Variants in ATG2B observed in about 807,000 individuals in gnomAD.
ATG2B encodes the protein autophagy-related protein 2 homolog B.
A neutral mutation model predicts 241.3 loss-of-function variants in ATG2B; 121 were observed. That is an observed-to-expected ratio of 0.50 (90% confidence interval 0.43 to 0.58). The LOEUF is 0.58. Among genes scored for constraint, ATG2B ranks in the 20% least tolerant of loss-of-function variants. ATG2B has a pLI of 0.00. For synonymous variants in ATG2B, 858 were observed against 876.6 expected, an observed-to-expected ratio of 0.98 and a Z score of 0.37; for missense variants, 2,306 against 2,491.6, an observed-to-expected ratio of 0.93 and a Z score of 1.59.
In ATG2B at chr14:96,315,461, C is replaced by T. The variant is rs896365685; in HGVS notation, c.3484G>A (p.Gly1162Arg). Reference protein sequence around the residue: ...EDGLSKTSSDGVGGDSLNMLS... With the variant: ...EDGLSKTSSDRVGGDSLNMLS... ...ATATTCAAACTGTCTCCTCCAACTC[C>T]ATCTGAAGAAGTTTTACTGAGGCCA... The change falls in exon 22 of 42, where the codon GGA becomes AGA. Residue 1162 changes from glycine (G) to arginine (R), a missense_variant. Physicochemically the swap from Gly to Arg is moderately radical, Grantham distance 125. Transcript: ENST00000359933. The T allele has an allele frequency of 6.2e-7, 1 of 1,614,032 alleles. No homozygotes were observed. Among genetic ancestry groups the T allele is most frequent in the African/African-American group, 1.3e-5 (1 of 74,930 alleles).
At chr14:96,341,890 T>C (rs1210220582) in intron 5 of ATG2B, among the ~76,000 whole-genome samples, 189 bp from the exon 6 acceptor site, 1 of 152,090 alleles carries the variant, frequency 6.6e-6, no homozygotes, top group Admixed American at 6.6e-5. Context: ...CACAGTCCAC[T>C]GGTAATAAAA....
chr14:96,333,883 T>C lies in ATG2B; in HGVS notation c.1022-10A>G, dbSNP rs1258085564. 6.2e-7 allele frequency: 1 copy of C among 1,610,290 alleles called. No homozygotes were observed. Among genetic ancestry groups the C allele is most frequent in the Admixed American group, 1.7e-5 (1 of 59,688 alleles). ...ATTTTGCTAGAATTTTCTATAAGCA[T>C]ACAAAAGGAAACCAAAACAGTAATT... On this transcript the variant is annotated splice_polypyrimidine_tract_variant and intron_variant, in intron 7 of 41. Coordinates refer to ENST00000359933, the MANE Select transcript of ATG2B (RefSeq NM_018036.7).
chr14:96,304,445 C>T, intron 32 of ATG2B, 50 bp downstream of exon 32: 1 of 1,412,114 alleles, frequency 7.1e-7, no homozygotes, highest in Non-Finnish European at 1.0e-6. Context: ...CAAAAGAACC[C>T]CCCGCCAATA....
In ATG2B at chr14:96,315,767, C is replaced by T. The variant is rs151046998; in HGVS notation, c.3362-184G>A. Among the ~76,000 whole-genome samples the T allele has an allele frequency of 3.9e-3, 588 of 152,094 alleles. 22 individuals are homozygous for T. In the South Asian group the frequency reaches 0.058, roughly 15 times the overall value. On this transcript the variant is annotated intron_variant, in intron 21 of 41. Transcript: ENST00000359933. ...CTTTGCTAATGTTAGTGTGACTGAC[C>T]GTACACAGCTTAAAGAAACAAAAGA...
chr14:96,303,865 T>C (rs778587617), intron 32 of ATG2B, among the ~76,000 whole-genome samples: 1 of 152,212 alleles, frequency 6.6e-6, no homozygotes, highest in African/African-American at 2.4e-5. Flanking sequence ...ATAAAATTAT[T>C]ATCTTGCATA....
At chr14:96,327,466 A>G (rs1887615468) in intron 14 of ATG2B, among the ~76,000 whole-genome samples, 1 of 152,208 alleles carries the variant, frequency 6.6e-6, no homozygotes, top group South Asian at 2.1e-4. Flanking sequence ...AGATGCAAGT[A>G]AAAGTGATAT....
chr14:96,328,560 C>A lies in ATG2B; in HGVS notation c.1975-25G>T, dbSNP rs200860984. 325 of 1,562,702 alleles carry A rather than the reference C, an allele frequency of 2.1e-4. 3 individuals are homozygous for A. The African/African-American group carries it at 3.8e-3, about 18-fold the overall frequency. On this transcript the variant is annotated intron_variant, in intron 13 of 41. Transcript: ENST00000359933. ...CCTTTTAAAAAAAAAAAAGAAAAGG[C>A]ATTAATACAATCACTAAAAACTACT...
chr14:96,291,113 C>T (rs1188193099), intron 38 of ATG2B, among the ~76,000 whole-genome samples, 178 bp from the exon 39 acceptor site: 1 of 152,138 alleles, frequency 6.6e-6, no homozygotes, highest in Admixed American at 6.5e-5. Flanking sequence ...ATCCTTTTAA[C>T]TCACAACCTG....
chr14:96,303,468 C>T (rs1886851603), intron 32 of ATG2B, among the ~76,000 whole-genome samples: 2 of 152,130 alleles, frequency 1.3e-5, no homozygotes, highest in Non-Finnish European at 2.9e-5. Flanking sequence ...CAAGGTTTTG[C>T]TTTCCACAGT....
intron 10 of ATG2B, 86 bp from the exon 11 acceptor site, chr14:96,331,723 T>C (rs1887742406): frequency 9.4e-7 from 1 of 1,064,818 alleles, no homozygotes; most frequent in Non-Finnish European, 1.3e-6. Context: ...TTTATTAGCT[T>C]TAAAAAACAG....
At chr14:96,362,785 C>A (rs754204140) in intron 1 of ATG2B, 30 bp downstream of exon 1, 1 of 1,583,224 alleles carries the variant, frequency 6.3e-7, no homozygotes, top group Non-Finnish European at 8.6e-7. Flanking sequence ...GGGAGCGAGC[C>A]CCGCCCGGCT....
intron 5 of ATG2B, among the ~76,000 whole-genome samples, chr14:96,342,356 T>C (rs920135973): frequency 7.2e-5 from 11 of 152,146 alleles, no homozygotes; most frequent in Non-Finnish European, 1.6e-4. Flanking sequence ...CAGTCAAATA[T>C]TTGTTTCATG....
chr14:96,295,639 A>G, intron 34 of ATG2B, 79 bp from the exon 35 acceptor site: 1 of 912,038 alleles, frequency 1.1e-6, no homozygotes, highest in East Asian at 2.6e-5. Context: ...AGTATCTTAA[A>G]CTCATATATT....
At chr14:96,295,752 C>CACACACACACACACAG (rs1239885892) in intron 34 of ATG2B, among the ~76,000 whole-genome samples, 192 bp from the exon 35 acceptor site, 5 of 151,950 alleles carry the variant, frequency 3.3e-5, no homozygotes, top group African/African-American at 1.2e-4. Flanking sequence ...CACACACACA[C>CACACACACACACACAG]AGATACACAC....
At chr14:96,325,282 A>G (rs887766767) in intron 15 of ATG2B, among the ~76,000 whole-genome samples, 1 of 152,198 alleles carries the variant, frequency 6.6e-6, no homozygotes, top group Non-Finnish European at 1.5e-5. Context: ...GACTAAAAAA[A>G]CAAGAAAATG....
At chr14:96,348,927 T>C (rs541560267) in intron 1 of ATG2B, among the ~76,000 whole-genome samples, 5 of 151,836 alleles carry the variant, frequency 3.3e-5, no homozygotes, top group African/African-American at 4.8e-5. Context: ...AAGTTAAAAA[T>C]TAAAAAGAAA....
chr14:96,285,583 T>C lies in ATG2B; in HGVS notation c.*172A>G. ...TCTATAGGCAAGTATCAACTATAAA[T>C]GTCAGAAGTTTTTGGTTGCATGTTG... On this transcript the variant is annotated 3_prime_UTR_variant, in exon 42 of 42. Transcript: ENST00000359933. The surrounding 1 kb of genome is among the most constrained non-coding windows in gnomAD (Gnocchi z 4.2). The C allele has an allele frequency of 1.6e-6, 1 of 630,158 alleles. No homozygotes were observed. Among genetic ancestry groups the C allele is most frequent in the South Asian group, 2.0e-5 (1 of 49,238 alleles). 39.0% of individuals were successfully genotyped at this position (630,158 alleles called of 1,614,324 possible).
In ATG2B at chr14:96,344,994, A is replaced by G. The variant is rs1968576; in HGVS notation, c.479-238T>C. On this transcript the variant is annotated intron_variant, in intron 3 of 41. Transcript: ENST00000359933. ...GGGACAACGACTAACACTATCTGTT[A>G]TATTCTAATCCATTCACTATGCAAG... Among the ~76,000 whole-genome samples the G allele has an allele frequency of 0.96, 146,265 of 152,020 alleles. 70,914 individuals are homozygous for G. Among genetic ancestry groups the G allele is most frequent in the African/African-American group, 0.99 (41,219 of 41,498 alleles).
chr14:96,305,794 T>C lies in ATG2B; in HGVS notation c.4528A>G (p.Ile1510Val). Residue 1510 changes from isoleucine to valine, a missense_variant, in exon 31 of 42, where the codon ATA (isoleucine) becomes GTA (valine). Physicochemically the swap from Ile to Val is conservative, Grantham distance 29 (BLOSUM62 3). Coordinates refer to ENST00000359933, the MANE Select transcript of ATG2B (RefSeq NM_018036.7). ...ATTGCATCATCAACCATGATTTTTA[T>C]AACTGGTTCTTCTTCCTTCTCCTAA... ...AMQEKEEEPV[I>V]KIMVDDAIVI... 1.2e-6 allele frequency: 2 copies of C among 1,614,084 alleles called. No individual in the cohort carries two copies. The highest frequency in any genetic ancestry group is 1.3e-5 in the African/African-American group (1 of 75,064).
Sources: gnomAD v4.1 joint callset for allele counts (sites outside exome capture counted in the v4.1 genomes callset) on GRCh38, gnomAD v4.1.1 for gene constraint, Gnocchi (gnomAD v3.1) non-coding constraint, MANE v1.5 for transcripts, NCBI Gene and HGNC (gene_info 2026-07-23, HGNC 2026-07-21) for gene names.